AKNAD1: variants seen among roughly 807,000 people sequenced by gnomAD.
AKNAD1 encodes the protein protein AKNAD1.
In AKNAD1, 67 loss-of-function variants were observed where a neutral mutation model predicts 90.8. That is an observed-to-expected ratio of 0.74 (90% confidence interval 0.61 to 0.90). AKNAD1 has a LOEUF of 0.90. Among genes scored for constraint, AKNAD1 ranks in the 40% least tolerant of loss-of-function variants. The pLI, the probability that AKNAD1 is intolerant of heterozygous loss-of-function variation, is 0.00. For missense variants in AKNAD1, 957 were observed against 975.4 expected (o/e 0.98, Z 0.25); for synonymous variants, 327 against 341.4 (o/e 0.96, Z 0.46).
At chr1:108,834,781 A>C in intron 8 of AKNAD1, 148 bp downstream of exon 8, 1 of 1,268,070 alleles carries the variant, frequency 7.9e-7, no homozygotes, top group Non-Finnish European at 1.1e-6. Flanking sequence ...CTGGTGGGGC[A>C]GGTGAGGAGC....
chr1:108,828,994 C>T lies in AKNAD1; in HGVS notation c.1838+1565G>A, dbSNP rs1237706859. Among the ~76,000 whole-genome samples the T allele has an allele frequency of 2.0e-5, 3 of 151,774 alleles. 1 individual carries two copies. Among genetic ancestry groups the T allele is most frequent in the African/African-American group, 7.2e-5 (3 of 41,382 alleles). On this transcript the variant is annotated intron_variant, in intron 10 of 15. Coordinates refer to ENST00000370001, the MANE Select transcript of AKNAD1 (RefSeq NM_152763.5). ...GGATAAGCATATTTTACATTTTATA[C>T]ATATGTAATTTATCCACTTATATAT...
chr1:108,848,224 C>A (rs1338045037), intron 5 of AKNAD1, among the ~76,000 whole-genome samples: 1 of 152,316 alleles, frequency 6.6e-6, no homozygotes, highest in East Asian at 1.9e-4. Flanking sequence ...TGCTCCACCC[C>A]CTTCCCATGA....
At chr1:108,845,079 A>G (rs1433506294) in intron 5 of AKNAD1, among the ~76,000 whole-genome samples, 1 of 152,206 alleles carries the variant, frequency 6.6e-6, no homozygotes, top group African/African-American at 2.4e-5. Flanking sequence ...TTGGCCTCCC[A>G]AAGTACTGGG....
At chr1:108,820,977 C>A (rs974396742) in intron 13 of AKNAD1, among the ~76,000 whole-genome samples, 3 of 152,094 alleles carry the variant, frequency 2.0e-5, no homozygotes, top group African/African-American at 7.2e-5. Context: ...TTTGTAGCTA[C>A]TTAGGAGGCT....
intron 10 of AKNAD1, among the ~76,000 whole-genome samples, chr1:108,830,261 T>C (rs1664142556): frequency 6.6e-6 from 1 of 152,152 alleles, no homozygotes; most frequent in African/African-American, 2.4e-5. Context: ...TGGGGAGATT[T>C]AAAAGCAATA....
At chr1:108,850,863 C>G (rs967877910) in intron 2 of AKNAD1, among the ~76,000 whole-genome samples, 1 of 152,054 alleles carries the variant, frequency 6.6e-6, no homozygotes, top group Non-Finnish European at 1.5e-5. Flanking sequence ...AGATCCTGAG[C>G]CTCAGCATGT....
rs182329201 is a variant in AKNAD1, at chr1:108,855,997, G to A, written c.-104+932C>T. On this transcript the variant is annotated intron_variant, in intron 1 of 15. Coordinates refer to ENST00000370001, the MANE Select transcript of AKNAD1 (RefSeq NM_152763.5). The stretch of plus-strand genomic sequence containing the variant: ...CTCCTGAGTAGCTGGGACTACAGGC[G>A]CACACCACCACACCTGACTAATTTT... Among the ~76,000 whole-genome samples, 34 of 150,470 alleles carry A rather than the reference G, an allele frequency of 2.3e-4. No individual in the cohort carries two copies. In the East Asian group the frequency reaches 5.7e-3, roughly 25 times the overall value.
At chr1:108,821,143 G>T (rs1189581036) in intron 13 of AKNAD1, among the ~76,000 whole-genome samples, 1 of 151,832 alleles carries the variant, frequency 6.6e-6, no homozygotes, top group Non-Finnish European at 1.5e-5. Flanking sequence ...CTTAGGAAAA[G>T]AAATTCAATT....
chr1:108,839,753 T>C (rs977748961), intron 6 of AKNAD1, among the ~76,000 whole-genome samples: 2 of 152,182 alleles, frequency 1.3e-5, no homozygotes, highest in Non-Finnish European at 1.5e-5. Flanking sequence ...CTTTTATGGC[T>C]CACGCTGGTA....
At chr1:108,834,600 T>G in intron 8 of AKNAD1, 72 bp from the exon 9 acceptor site, 1 of 1,406,654 alleles carries the variant, frequency 7.1e-7, no homozygotes, top group Non-Finnish European at 9.7e-7. Flanking sequence ...CTCCACTATT[T>G]GGAATCACTT....
Position 108,830,346 on chromosome 1 carries a change from T to A in AKNAD1, c.1838+213A>T, listed in dbSNP as rs1277221. On this transcript the variant is annotated intron_variant, in intron 10 of 15. Coordinates refer to ENST00000370001, the MANE Select transcript of AKNAD1 (RefSeq NM_152763.5). ...GAGGCATGTGCATGATTGTAAAATC[T>A]CCCATGGTGATTTTGATGGTCTCCC... Among the ~76,000 whole-genome samples, 5 of 151,922 alleles carry A rather than the reference T, an allele frequency of 3.3e-5. No individual in the cohort carries two copies. In the East Asian group the frequency reaches 7.8e-4, roughly 24 times the overall value.
chr1:108,831,603 G>A (rs1282174757), intron 9 of AKNAD1, among the ~76,000 whole-genome samples: 1 of 150,994 alleles, frequency 6.6e-6, no homozygotes, highest in African/African-American at 2.4e-5. Context: ...AAATAAGTCT[G>A]TTCCTATATG....
chr1:108,857,397 A>C (rs1447090200), upstream of AKNAD1: 3 of 153,194 alleles, frequency 2.0e-5, no homozygotes, highest in African/African-American at 7.2e-5. Context: ...GGCTAGGATG[A>C]CTGGGAATCT....
intron 12 of AKNAD1, 26 bp from the exon 13 acceptor site, chr1:108,823,503 G>C: frequency 6.2e-7 from 1 of 1,611,254 alleles, no homozygotes; most frequent in African/African-American, 1.3e-5. Context: ...TAAAAATACA[G>C]TTAATTGCCT....
At chr1:108,848,549 C>A (rs1220015968) in intron 5 of AKNAD1, among the ~76,000 whole-genome samples, 1 of 152,096 alleles carries the variant, frequency 6.6e-6, no homozygotes, top group African/African-American at 2.4e-5. Context: ...AGTAATAGAT[C>A]CCCTGAGAAG....
chr1:108,847,562 C>A (rs1664738333), intron 5 of AKNAD1, among the ~76,000 whole-genome samples: 1 of 151,970 alleles, frequency 6.6e-6, no homozygotes, highest in African/African-American at 2.4e-5. Context: ...TCCTCCCCCA[C>A]CCCCATGTCA....
intron 5 of AKNAD1, among the ~76,000 whole-genome samples, chr1:108,847,555 T>G (rs1664738130): frequency 7.1e-6 from 1 of 141,654 alleles, no homozygotes; most frequent in African/African-American, 2.6e-5. Context: ...CCCTGTCTCC[T>G]CCCCCACCCC....
At chr1:108,833,343 G>A (rs1322034090) in intron 9 of AKNAD1, among the ~76,000 whole-genome samples, 1 of 152,202 alleles carries the variant, frequency 6.6e-6, no homozygotes, top group Non-Finnish European at 1.5e-5. Context: ...AGCACTTTGG[G>A]AGGCTGAGGT....
At chr1:108,841,841 C>G (rs1388934809) in intron 6 of AKNAD1, among the ~76,000 whole-genome samples, 1 of 152,044 alleles carries the variant, frequency 6.6e-6, no homozygotes, top group Non-Finnish European at 1.5e-5. Context: ...AGTCTGGGTC[C>G]CTCCCTTGCC....
Sources: gnomAD v4.1 joint callset for allele counts (sites outside exome capture counted in the v4.1 genomes callset) on GRCh38, gnomAD v4.1.1 for gene constraint, MANE v1.5 for transcripts, NCBI Gene and HGNC (gene_info 2026-07-23, HGNC 2026-07-21) for gene names.